Variants in PPA2 observed in about 807,000 individuals in gnomAD.
The protein encoded by PPA2 is inorganic pyrophosphatase 2.
PPA2 carries 48 observed loss-of-function variants against 49.5 expected under a neutral mutation model. That is an observed-to-expected ratio of 0.97 (90% CI 0.77 to 1.23). The LOEUF (loss-of-function observed/expected upper bound fraction) is 1.23, where lower values mean the gene tolerates loss of function less well. Among genes scored for constraint, PPA2 ranks in the 50% most tolerant of loss-of-function variants. The pLI is 0.00. For synonymous variants in PPA2, 131 were observed against 139.9 expected (o/e 0.94, Z 0.45); for missense variants, 429 against 410.1 (o/e 1.05, Z -0.40).
chr4:105,467,001 G>T (rs192917770), intron 1 of PPA2, among the ~76,000 whole-genome samples: 4 of 152,312 alleles, frequency 2.6e-5, no homozygotes, highest in Admixed American at 2.6e-4. Context: ...GGAAGCTGCT[G>T]ATCACCAGCT....
At chr4:105,386,108 C>T (rs1010498779) in intron 10 of PPA2, among the ~76,000 whole-genome samples, 2 of 151,778 alleles carry the variant, frequency 1.3e-5, no homozygotes, top group African/African-American at 2.4e-5. Context: ...CTCAAACTCC[C>T]GGCCTTAAGT....
At chr4:105,436,638 T>C (rs1185068768) in intron 6 of PPA2, among the ~76,000 whole-genome samples, 1 of 151,908 alleles carries the variant, frequency 6.6e-6, no homozygotes, top group African/African-American at 2.4e-5. Context: ...CATAGATCAA[T>C]GGAACAAAAC....
intron 8 of PPA2, 146 bp downstream of exon 8, chr4:105,398,891 A>G (rs983654951): frequency 1.3e-5 from 9 of 676,746 alleles, no homozygotes; most frequent in Non-Finnish European, 2.0e-5. Flanking sequence ...TAAATAATAA[A>G]ATAATGTTTT....
At chr4:105,389,481 C>T (rs1013395733) in intron 9 of PPA2, among the ~76,000 whole-genome samples, 3 of 150,426 alleles carry the variant, frequency 2.0e-5, no homozygotes, top group African/African-American at 7.3e-5. Flanking sequence ...GAATGCACTG[C>T]TTTCCTTTTT....
At chr4:105,393,306 C>A (rs1733998578) in intron 9 of PPA2, among the ~76,000 whole-genome samples, 1 of 151,646 alleles carries the variant, frequency 6.6e-6, no homozygotes, top group Non-Finnish European at 1.5e-5. Flanking sequence ...ATATCCCTAG[C>A]AACATAGCGA....
Position 105,449,047 on chromosome 4 carries a change from T to A in PPA2, c.321+303A>T, listed in dbSNP as rs1722541716. Among the ~76,000 whole-genome samples, 2 of 131,988 alleles carry A rather than the reference T, an allele frequency of 1.5e-5. 1 individual carries two copies. The highest frequency in any genetic ancestry group is 7.2e-5 in the African/African-American group (2 of 27,736). 86.6% of individuals were successfully genotyped at this position (131,988 alleles called of 152,430 possible). A position where few individuals can be genotyped will look rare whatever the true frequency, so the allele number is the denominator to read the frequency against. On this transcript the variant is annotated intron_variant, in intron 4 of 11. Transcript: ENST00000341695. Reference sequence around the variant, plus strand: ...TCCCGGCTAAAACGGTGAAACCCCGTCTCTACTAAAACTACAAAAAATAGC... The same window carrying A: ...TCCCGGCTAAAACGGTGAAACCCCGACTCTACTAAAACTACAAAAAATAGC...
At chr4:105,396,205 C>T (rs769063341) in intron 9 of PPA2, 44 bp downstream of exon 9, 5 of 1,081,026 alleles carry the variant, frequency 4.6e-6, no homozygotes, top group South Asian at 1.6e-5. Context: ...CTGTTTAATA[C>T]CAATTAATAT....
At position 105,474,008 on chromosome 4, in the gene PPA2, C is replaced by T. The variant is rs1327763812; in HGVS notation, c.43G>A (p.Ala15Thr). The part of the protein sequence containing the change: ...LRLLRTGAPA[A>T]ACLRLGTSAG... ...CTGGTCCCCAACCGCAGGCACGCAG[C>T]GGCTGGGGCACCCGTGCGCAGCAGC... Residue 15 changes from alanine (A) to threonine (T), a missense_variant, in exon 1 of 12, where the codon GCT (alanine) becomes ACT (threonine). Ala to Thr is a moderately conservative substitution (Grantham distance 58). Coordinates refer to ENST00000341695, the MANE Select transcript of PPA2 (RefSeq NM_176869.3). 8.1e-6 allele frequency: 13 copies of T among 1,604,012 alleles called. 1 individual carries two copies. In the East Asian group the frequency reaches 1.8e-4, roughly 22 times the overall value.
chr4:105,396,780 C>T (rs921434568), intron 8 of PPA2, among the ~76,000 whole-genome samples: 1 of 152,054 alleles, frequency 6.6e-6, no homozygotes, highest in Admixed American at 6.6e-5. Flanking sequence ...GTTTGCCAAC[C>T]CCTGATCCAA....
intron 5 of PPA2, among the ~76,000 whole-genome samples, chr4:105,439,030 T>A: frequency 6.6e-6 from 1 of 151,738 alleles, no homozygotes; most frequent in Admixed American, 6.6e-5. Flanking sequence ...AATCAATAAA[T>A]GAAGTCCAAC....
chr4:105,426,158 T>C (rs2110273036), intron 6 of PPA2, among the ~76,000 whole-genome samples: 1 of 152,284 alleles, frequency 6.6e-6, no homozygotes, highest in South Asian at 2.1e-4. Flanking sequence ...ATATGTTTTA[T>C]ATATATACAT....
At chr4:105,391,479 A>G (rs1160104002) in intron 9 of PPA2, among the ~76,000 whole-genome samples, 8 of 152,102 alleles carry the variant, frequency 5.3e-5, no homozygotes. Flanking sequence ...GCATATTTAG[A>G]CTACCTACTG....
intron 5 of PPA2, among the ~76,000 whole-genome samples, chr4:105,440,670 CTACT>C (rs1364419224): frequency 1.3e-5 from 2 of 152,088 alleles, no homozygotes; most frequent in African/African-American, 4.8e-5. Context: ...TACTTATGAC[CTACT>C]TATGACAATT....
intron 10 of PPA2, among the ~76,000 whole-genome samples, chr4:105,374,837 T>C (rs1446266440): frequency 6.6e-6 from 1 of 151,706 alleles, no homozygotes; most frequent in Non-Finnish European, 1.5e-5. Flanking sequence ...GCCTTGGACA[T>C]TGTCTTTCTT....
chr4:105,378,391 T>A (rs1264434595), intron 10 of PPA2, among the ~76,000 whole-genome samples: 1 of 152,166 alleles, frequency 6.6e-6, no homozygotes, highest in Non-Finnish European at 1.5e-5. Context: ...TATTTTTGGG[T>A]CATCCATCCA....
At chr4:105,446,336 T>C (rs778643281) in intron 5 of PPA2, 47 bp downstream of exon 5, 1 of 1,523,576 alleles carries the variant, frequency 6.6e-7, no homozygotes, top group African/African-American at 1.4e-5. Context: ...TATAAGGCAA[T>C]TTTTTCAGAA....
rs17035627 is a variant in PPA2 at position 105,456,828 on chromosome 4, T to A, written c.158-83A>T. On this transcript the variant is annotated intron_variant, in intron 1 of 11. Coordinates refer to ENST00000341695, the MANE Select transcript of PPA2 (RefSeq NM_176869.3). ...TATACAGCAATAATAAACATCCTTA[T>A]CCACTTTTAAACTTACGCATTTTTT... is the stretch of plus-strand genomic sequence containing the variant. 2.5e-3 allele frequency: 2,696 copies of A among 1,076,102 alleles called. 46 individuals carry two copies. In the African/African-American group the frequency reaches 0.039, roughly 16 times the overall value. The allele number at this position is 1,076,102 out of a possible 1,614,324, so 66.7% of individuals were successfully genotyped here.
intron 10 of PPA2, among the ~76,000 whole-genome samples, chr4:105,375,455 A>T (rs1175109947): frequency 6.6e-6 from 1 of 152,080 alleles, no homozygotes; most frequent in Non-Finnish European, 1.5e-5. Flanking sequence ...AATAAAACAA[A>T]TCTGTATGAC....
chr4:105,467,431 G>A (rs1723350410), intron 1 of PPA2, among the ~76,000 whole-genome samples: 2 of 152,246 alleles, frequency 1.3e-5, no homozygotes, highest in Admixed American at 6.5e-5. Context: ...GGCAAGCAAT[G>A]AATTCAGAGA....
Sources: gnomAD v4.1 joint callset for allele counts (sites outside exome capture counted in the v4.1 genomes callset) on GRCh38, gnomAD v4.1.1 for gene constraint, MANE v1.5 for transcripts, NCBI Gene and HGNC (gene_info 2026-07-23, HGNC 2026-07-21) for gene names.